The following CTNNA3 variants were observed in gnomAD, a reference collection of about 807,000 sequenced individuals.
The protein encoded by CTNNA3 is catenin alpha-3.
Under a neutral mutation model 95.7 loss-of-function variants are expected in CTNNA3, and 76 were observed. The observed-to-expected ratio is 0.79, with a 90% CI of 0.66 to 0.96. CTNNA3 has a LOEUF of 0.96. CTNNA3 is among the 40% of genes least tolerant of loss of function. The pLI is 0.00. For missense variants in CTNNA3, 1,191 were observed against 1,089.8 expected (o/e 1.09, Z -1.31); for synonymous variants, 431 against 374.4 (o/e 1.15, Z -1.74).
Position 67,582,873 on chromosome 10 carries a change from G to T in CTNNA3, c.292+23984C>A, listed in dbSNP as rs574814931. ...TAAAGTCTGTTTTATTAGAGACTAG[G>T]ATTGCAACCCCTGCCTTTTTTTGTT... On this transcript the variant is annotated intron_variant, in intron 3 of 17. Transcript: ENST00000433211. 5.5e-3 allele frequency among the ~76,000 whole-genome samples: 830 copies of T among 152,034 alleles called. 4 individuals carry two copies. The highest frequency in any genetic ancestry group is 0.014 in the Middle Eastern group (4 of 294).
intron 17 of CTNNA3, among the ~76,000 whole-genome samples, chr10:65,934,768 C>T (rs1323421765): frequency 6.6e-6 from 1 of 151,974 alleles, no homozygotes; most frequent in African/African-American, 2.4e-5. Context: ...CATGGAGGAA[C>T]CAAAGGAAAG....
chr10:66,903,797 A>C (rs1016199733), intron 7 of CTNNA3, among the ~76,000 whole-genome samples: 20 of 152,314 alleles, frequency 1.3e-4, no homozygotes, highest in Non-Finnish European at 2.2e-4. Context: ...AAGAGAATAA[A>C]ATACCTAGGA....
chr10:67,730,672 GAA>G (rs1213284837), intron 1 of CTNNA3, among the ~76,000 whole-genome samples: 1 of 151,928 alleles, frequency 6.6e-6, no homozygotes, highest in Non-Finnish European at 1.5e-5. Flanking sequence ...TAAAAGAAAG[GAA>G]GAGAGAGAGG....
chr10:67,739,652 A>T (rs7900659), intron 1 of CTNNA3, among the ~76,000 whole-genome samples: 65,495 of 149,994 alleles, frequency 0.44, 17,722 homozygotes, highest in African/African-American at 0.78. Flanking sequence ...TCAAGGAAAT[A>T]AAAGAGGATA....
intron 12 of CTNNA3, among the ~76,000 whole-genome samples, chr10:66,372,505 C>A (rs963334715): frequency 5.9e-5 from 9 of 152,158 alleles, no homozygotes; most frequent in African/African-American, 2.2e-4. Flanking sequence ...TCTTCCAATT[C>A]TCCCTTCTTT....
At chr10:67,221,783 C>G (rs111975317) in intron 5 of CTNNA3, among the ~76,000 whole-genome samples, 6,850 of 152,002 alleles carry the variant, frequency 0.045, 303 homozygotes, top group South Asian at 0.19. Flanking sequence ...ATCATGCTAG[C>G]CAGGATGGTC....
At chr10:65,946,618 C>T (rs1238678641) in intron 17 of CTNNA3, among the ~76,000 whole-genome samples, 15 of 152,080 alleles carry the variant, frequency 9.9e-5, no homozygotes, top group Non-Finnish European at 1.5e-5. Flanking sequence ...TTTCTCTCTC[C>T]ATCTAACCAA....
chr10:66,588,284 T>G (rs1843429059), intron 10 of CTNNA3, among the ~76,000 whole-genome samples: 1 of 151,884 alleles, frequency 6.6e-6, no homozygotes, highest in Non-Finnish European at 1.5e-5. Flanking sequence ...GTTTTCCATC[T>G]GGTTCACAGT....
chr10:66,255,143 C>T (rs2090713576), intron 13 of CTNNA3, among the ~76,000 whole-genome samples: 1 of 152,254 alleles, frequency 6.6e-6, no homozygotes, highest in Non-Finnish European at 1.5e-5. Context: ...TCGCAAGTCA[C>T]GGACAAGTTC....
intron 11 of CTNNA3, among the ~76,000 whole-genome samples, chr10:66,492,450 ATTT>A (rs60327021): frequency 2.8e-4 from 40 of 144,136 alleles, no homozygotes; most frequent in East Asian, 1.4e-3. Context: ...GGCCCAGCTA[ATTT>A]TTTTTTTTTT....
chr10:66,385,250 A>T (rs2092879644), intron 11 of CTNNA3, among the ~76,000 whole-genome samples: 1 of 152,230 alleles, frequency 6.6e-6, no homozygotes, highest in Non-Finnish European at 1.5e-5. Context: ...AAAAATTGAT[A>T]AAGGGGATAT....
chr10:66,114,481 T>C (rs766545374), intron 13 of CTNNA3, among the ~76,000 whole-genome samples: 9 of 147,928 alleles, frequency 6.1e-5, no homozygotes, highest in Non-Finnish European at 1.0e-4. Context: ...CGTATATGTA[T>C]ATATGTGTAT....
intron 15 of CTNNA3, among the ~76,000 whole-genome samples, chr10:66,024,295 T>G (rs1303781048): frequency 6.6e-6 from 1 of 151,972 alleles, no homozygotes; most frequent in Non-Finnish European, 1.5e-5. Context: ...TTCACCGTGT[T>G]AGTCAGGATG....
rs777334704 is a variant in CTNNA3 at position 66,520,625 on chromosome 10, G to T, written c.1523C>A (p.Ala508Asp). The change falls in exon 11 of 18, where the codon GCT becomes GAT. Residue 508 changes from alanine to aspartate, a missense_variant. By Grantham distance (126) the Ala-to-Asp change is moderately radical (BLOSUM62 -2). Transcript: ENST00000433211. ...DDITSIDDFL[A>D]VSESHILEDV... ...AAAGAATAAAAACATACCAGATACA[G>T]CAAGGAAGTCATCAATGCTTGTAAT... 22 of 1,603,694 alleles carry T rather than the reference G, an allele frequency of 1.4e-5. No homozygotes were observed. Among genetic ancestry groups the T allele is most frequent in the Non-Finnish European group, 1.9e-5 (22 of 1,174,624 alleles).
intron 1 of CTNNA3, among the ~76,000 whole-genome samples, chr10:67,649,640 G>A (rs919601737): frequency 2.0e-5 from 3 of 152,068 alleles, no homozygotes; most frequent in Non-Finnish European, 2.9e-5. Context: ...AAGTCTTCCT[G>A]CTCTTTTGTA....
rs148140329 is a variant in CTNNA3, at chr10:66,266,231, A to G, written c.1884+14239T>C. ...AGTGTGATAATCCCCTCCCTTGTATATTAGAACACCATGTAACAATGCATC... is the reference window on the plus strand; with the variant it reads ...AGTGTGATAATCCCCTCCCTTGTATGTTAGAACACCATGTAACAATGCATC... On this transcript the variant is annotated intron_variant, in intron 13 of 17. Coordinates refer to ENST00000433211, the MANE Select transcript of CTNNA3 (RefSeq NM_013266.4). 2.1e-3 allele frequency among the ~76,000 whole-genome samples: 313 copies of G among 152,018 alleles called. 2 individuals are homozygous for G. The highest frequency in any genetic ancestry group is 7.2e-3 in the African/African-American group (299 of 41,520).
intron 7 of CTNNA3, among the ~76,000 whole-genome samples, chr10:66,956,110 GGAA>G (rs1043195613): frequency 1.0e-3 from 153 of 152,104 alleles, no homozygotes; most frequent in African/African-American, 3.6e-3. Context: ...GACCACCCAA[GGAA>G]GAAGAACCTT....
At chr10:66,525,249 A>G (rs1224277130) in intron 10 of CTNNA3, among the ~76,000 whole-genome samples, 2 of 152,072 alleles carry the variant, frequency 1.3e-5, no homozygotes, top group African/African-American at 2.4e-5. Context: ...TTTTGAGAGT[A>G]TCCTATTTTG....
intron 11 of CTNNA3, among the ~76,000 whole-genome samples, chr10:66,475,038 A>G (rs1172831339): frequency 6.6e-6 from 1 of 151,808 alleles, no homozygotes; most frequent in Non-Finnish European, 1.5e-5. Flanking sequence ...TCTCTTGACT[A>G]TTTCCACTGC....
Sources: allele counts gnomAD v4.1 joint callset (sites outside exome capture counted in the v4.1 genomes callset), GRCh38; gene constraint gnomAD v4.1.1; transcripts MANE v1.5; gene names NCBI Gene and HGNC (gene_info 2026-07-23, HGNC 2026-07-21).